Variants in AUTS2 observed in about 807,000 individuals in gnomAD.
AUTS2 encodes the protein activator of transcription and developmental regulator AUTS2, also known as autism susceptibility gene 2 protein.
AUTS2 carries 17 observed loss-of-function variants against 112.4 expected under a neutral mutation model. That is an observed-to-expected ratio of 0.15 (90% CI 0.10 to 0.23). The LOEUF (loss-of-function observed/expected upper bound fraction) is 0.23, where lower values mean the gene tolerates loss of function less well. Ranked by LOEUF, AUTS2 falls within the 10% of genes least tolerant of loss-of-function variation. The pLI, the probability that AUTS2 is intolerant of heterozygous loss-of-function variation, is 1.00. For synonymous variants in AUTS2, 751 were observed against 702.7 expected, an observed-to-expected ratio of 1.07 and a Z score of -1.09; for missense variants, 1,510 against 1,701.6, an observed-to-expected ratio of 0.89 and a Z score of 1.98.
At chr7:70,559,141 C>CTCTTGTAAGATGTGCCA (rs1801374477) in intron 5 of AUTS2, among the ~76,000 whole-genome samples, 1 of 152,184 alleles carries the variant, frequency 6.6e-6, no homozygotes, top group Non-Finnish European at 1.5e-5. Flanking sequence ...TCTTTGCCTG[C>CTCTTGTAAGATGTGCCA]CGCCATGTAA....
At chr7:70,140,819 G>T (rs996826079) in intron 4 of AUTS2, among the ~76,000 whole-genome samples, 6 of 152,100 alleles carry the variant, frequency 3.9e-5, no homozygotes, top group Non-Finnish European at 8.8e-5. Flanking sequence ...GTTATTATTA[G>T]GGCATTTGGA....
chr7:69,691,706 C>T (rs1797354244), intron 1 of AUTS2, among the ~76,000 whole-genome samples: 1 of 151,750 alleles, frequency 6.6e-6, no homozygotes, highest in African/African-American at 2.4e-5. Flanking sequence ...GCAGCTGTGC[C>T]CAGGAGTGCA....
chr7:70,649,144 CA>C (rs2129541520), intron 5 of AUTS2, among the ~76,000 whole-genome samples: 1 of 151,510 alleles, frequency 6.6e-6, no homozygotes, highest in African/African-American at 2.4e-5. Flanking sequence ...GTAATCCCAG[CA>C]CTTTGGAGGC....
At chr7:70,308,399 T>G (rs917592028) in intron 4 of AUTS2, among the ~76,000 whole-genome samples, 19 of 152,344 alleles carry the variant, frequency 1.2e-4, no homozygotes, top group Middle Eastern at 3.4e-3. Context: ...TAGACTAGTT[T>G]AAGAGCAAAT....
chr7:69,875,730 T>G (rs975418767), intron 1 of AUTS2, among the ~76,000 whole-genome samples: 10 of 152,240 alleles, frequency 6.6e-5, no homozygotes, highest in African/African-American at 1.9e-4. Flanking sequence ...GCATCATTAC[T>G]TTCCATCACA....
At chr7:69,781,232 T>A (rs924950790) in intron 1 of AUTS2, among the ~76,000 whole-genome samples, 1 of 152,372 alleles carries the variant, frequency 6.6e-6, no homozygotes, top group South Asian at 2.1e-4. Context: ...TCCTTTGTTA[T>A]GATATTTTCT....
intron 1 of AUTS2, among the ~76,000 whole-genome samples, chr7:69,863,760 T>C (rs1480315294): frequency 6.6e-6 from 1 of 152,202 alleles, no homozygotes; most frequent in African/African-American, 2.4e-5. Context: ...GCCCCAGAGC[T>C]GGGGAGGCTG....
chr7:70,377,357 T>TATAA (rs1793151740), intron 4 of AUTS2, among the ~76,000 whole-genome samples: 1 of 115,412 alleles, frequency 8.7e-6, no homozygotes, highest in African/African-American at 3.4e-5. Context: ...TATATATATA[T>TATAA]ATATATATAT....
intron 4 of AUTS2, among the ~76,000 whole-genome samples, chr7:70,175,911 A>G (rs1180485954): frequency 1.3e-5 from 2 of 152,192 alleles, no homozygotes; most frequent in Admixed American, 1.3e-4. Flanking sequence ...AGTTCATGGG[A>G]CTTGCTTTAT....
chr7:69,998,602 T>TTG, intron 2 of AUTS2, among the ~76,000 whole-genome samples: 1 of 152,374 alleles, frequency 6.6e-6, no homozygotes, highest in Middle Eastern at 3.4e-3. Context: ...TAAATATTTA[T>TTG]TGAGCTCCTA....
At chr7:69,709,536 T>G (rs566636838) in intron 1 of AUTS2, among the ~76,000 whole-genome samples, 1 of 152,310 alleles carries the variant, frequency 6.6e-6, no homozygotes, top group African/African-American at 2.4e-5. Context: ...TTTTAACCCA[T>G]AAGAGTGCTG....
chr7:70,459,948 A>C (rs927113691), intron 5 of AUTS2, among the ~76,000 whole-genome samples: 1 of 152,214 alleles, frequency 6.6e-6, no homozygotes, highest in Non-Finnish European at 1.5e-5. Context: ...CAACAGGAAC[A>C]TAACAATTCT....
At chr7:69,685,451 C>T (rs146115786) in intron 1 of AUTS2, among the ~76,000 whole-genome samples, 1 of 152,282 alleles carries the variant, frequency 6.6e-6, no homozygotes, top group African/African-American at 2.4e-5. Context: ...ATAATGAACC[C>T]TACTTTTCCC....
At chr7:69,826,621 G>A (rs1256172842) in intron 1 of AUTS2, among the ~76,000 whole-genome samples, 1 of 152,166 alleles carries the variant, frequency 6.6e-6, no homozygotes, top group Non-Finnish European at 1.5e-5. Context: ...ATATACACTT[G>A]ATGTAGTCAA....
intron 4 of AUTS2, among the ~76,000 whole-genome samples, chr7:70,267,877 A>G (rs1358734200): frequency 3.3e-5 from 5 of 152,134 alleles, no homozygotes; most frequent in Admixed American, 2.6e-4. Flanking sequence ...CCCCCCCTAC[A>G]CTTGCAACAT....
chr7:70,764,730 C>CT (rs1428187015), intron 7 of AUTS2, 22 bp from the exon 8 acceptor site: 15 of 718,450 alleles, frequency 2.1e-5, no homozygotes, highest in Non-Finnish European at 2.6e-5. Flanking sequence ...TTTTTCTTTT[C>CT]TTTTTTTTCT....
chr7:70,210,266 C>G (rs950661140), intron 4 of AUTS2, among the ~76,000 whole-genome samples: 1 of 152,166 alleles, frequency 6.6e-6, no homozygotes, highest in Non-Finnish European at 1.5e-5. Flanking sequence ...TTTCTCCTCA[C>G]GATTAGCATC....
At chr7:70,331,814 G>A (rs1050723738) in intron 4 of AUTS2, among the ~76,000 whole-genome samples, 20 of 152,182 alleles carry the variant, frequency 1.3e-4, no homozygotes, top group Admixed American at 5.9e-4. Context: ...TTGATTTAAC[G>A]TATATTGAAA....
At chr7:69,809,504 C>T (rs1584277052) in intron 1 of AUTS2, among the ~76,000 whole-genome samples, 1 of 152,318 alleles carries the variant, frequency 6.6e-6, no homozygotes, top group East Asian at 1.9e-4. Context: ...CTATACTTCT[C>T]TTCAAATGTT....
Sources: allele counts gnomAD v4.1 joint callset (sites outside exome capture counted in the v4.1 genomes callset), GRCh38; gene constraint gnomAD v4.1.1; transcripts MANE v1.5; gene names NCBI Gene and HGNC (gene_info 2026-07-23, HGNC 2026-07-21).